Variants in RPRD1A observed in about 807,000 individuals in gnomAD.
RPRD1A encodes regulation of nuclear pre-mRNA domain containing 1A.
RPRD1A carries 9 observed loss-of-function variants against 37.8 expected under a neutral mutation model. That is an observed-to-expected ratio of 0.24 (90% CI 0.14 to 0.42). The LOEUF (loss-of-function observed/expected upper bound fraction) is 0.42. Ranked by LOEUF, RPRD1A falls within the 10% of genes least tolerant of loss-of-function variation. The probability of loss-of-function intolerance (pLI) is 1.00; values close to 1 mark genes in which losing one functional copy is unlikely to be tolerated. For synonymous variants in RPRD1A, 138 were observed against 139.7 expected (o/e 0.99, Z 0.08); for missense variants, 255 against 371.0 (o/e 0.69, Z 2.57).
intron 6 of RPRD1A, chr18:36,026,583 A>G (rs1472097664): frequency 4.7e-6 from 1 of 211,376 alleles, no homozygotes; most frequent in African/African-American, 2.3e-5. Flanking sequence ...AGTGACTGCC[A>G]CCTGCTATTT....
intron 6 of RPRD1A, among the ~76,000 whole-genome samples, chr18:36,020,554 G>C (rs963322627): frequency 6.6e-6 from 1 of 152,164 alleles, no homozygotes; most frequent in Non-Finnish European, 1.5e-5. Flanking sequence ...ATTATTAACG[G>C]ATCAATATGT....
At chr18:36,061,096 G>GC (rs764988871) in intron 1 of RPRD1A, among the ~76,000 whole-genome samples, 1 of 152,114 alleles carries the variant, frequency 6.6e-6, no homozygotes, top group Non-Finnish European at 1.5e-5. Context: ...GCAGGCCCAA[G>GC]CCCCCCTACC....
intron 6 of RPRD1A, 79 bp downstream of exon 6, chr18:36,026,821 C>T: frequency 7.3e-7 from 1 of 1,369,880 alleles, no homozygotes; most frequent in Non-Finnish European, 9.9e-7. Context: ...AAAATGTGCA[C>T]ATAGATTAAA....
At chr18:36,055,994 T>C (rs1913740613) in intron 1 of RPRD1A, among the ~76,000 whole-genome samples, 1 of 152,162 alleles carries the variant, frequency 6.6e-6, no homozygotes, top group African/African-American at 2.4e-5. Context: ...TCAAGGTCTC[T>C]TAAATCATCA....
At chr18:36,040,397 G>A (rs1199170324) in intron 1 of RPRD1A, among the ~76,000 whole-genome samples, 1 of 152,164 alleles carries the variant, frequency 6.6e-6, no homozygotes, top group Non-Finnish European at 1.5e-5. Context: ...TTGGCAGAAA[G>A]AAGCTCCCCT....
chr18:36,000,593 TTATG>T (rs1236551586), intron 6 of RPRD1A, among the ~76,000 whole-genome samples: 1 of 152,144 alleles, frequency 6.6e-6, no homozygotes, highest in Non-Finnish European at 1.5e-5. Flanking sequence ...CAAAGAAACT[TTATG>T]TATTCCAAGA....
chr18:36,033,012 A>C (rs2144301923), intron 2 of RPRD1A, among the ~76,000 whole-genome samples: 1 of 152,220 alleles, frequency 6.6e-6, no homozygotes, highest in East Asian at 1.9e-4. Flanking sequence ...GCAAGTAAAG[A>C]ATGGAAACAG....
chr18:36,063,179 T>A (rs2088950384), intron 1 of RPRD1A: 2 of 152,230 alleles, frequency 1.3e-5, no homozygotes, highest in South Asian at 4.1e-4. Flanking sequence ...TTCATTCTTA[T>A]ATTTTTTTGT....
intron 6 of RPRD1A, among the ~76,000 whole-genome samples, chr18:36,021,850 A>G (rs1357260374): frequency 6.6e-6 from 1 of 152,066 alleles, no homozygotes; most frequent in Non-Finnish European, 1.5e-5. Context: ...AAAATTTTAA[A>G]ATTAGCCAGG....
intron 1 of RPRD1A, among the ~76,000 whole-genome samples, chr18:36,034,643 T>C (rs1456980693): frequency 6.6e-6 from 1 of 152,192 alleles, no homozygotes; most frequent in Non-Finnish European, 1.5e-5. Context: ...TCACTCAATG[T>C]AGTACAGTTA....
At position 36,030,839 on chromosome 18, in the gene RPRD1A, G is replaced by C; in HGVS notation, c.455C>G (p.Ser152Cys). ...TGGTTCACTTGGAGATCCCAGAGAG[G>C]AACAGTTTTCATTTTCATCCACCTT... is the stretch of plus-strand genomic sequence containing the variant. The part of the protein sequence containing the change: ...QIKVDENENC[S>C]SLGSPSEPPQ... Residue 152 changes from serine (S) to cysteine (C), a missense_variant, in exon 4 of 7, where the codon TCC becomes TGC. Ser to Cys is a moderately radical substitution (Grantham distance 112). Around this residue, in one of 2 missense-constraint regions of RPRD1A, gnomAD observed 211 missense variants for 268.9 expected, o/e 0.78. Coordinates refer to ENST00000399022, the MANE Select transcript of RPRD1A (RefSeq NM_018170.5). 1 of 1,612,722 alleles carries C rather than the reference G, an allele frequency of 6.2e-7. No homozygotes were observed. Among genetic ancestry groups the C allele is most frequent in the Non-Finnish European group, 8.5e-7 (1 of 1,179,086 alleles).
At chr18:36,066,624 T>G (rs2089036427) in intron 1 of RPRD1A, among the ~76,000 whole-genome samples, 1 of 152,216 alleles carries the variant, frequency 6.6e-6, no homozygotes, top group African/African-American at 2.4e-5. Context: ...ACAAAGACAC[T>G]GCATTAGGGC....
chr18:36,047,241 C>A (rs1378622150), intron 1 of RPRD1A, among the ~76,000 whole-genome samples: 1 of 144,686 alleles, frequency 6.9e-6, no homozygotes, highest in Non-Finnish European at 1.5e-5. Context: ...ATAAATAAAG[C>A]AAGAGCCATC....
intron 6 of RPRD1A, among the ~76,000 whole-genome samples, chr18:36,010,312 A>C (rs1401987793): frequency 6.6e-6 from 1 of 151,902 alleles, no homozygotes; most frequent in Non-Finnish European, 1.5e-5. Context: ...CTATAAAAAA[A>C]ATAAAAAATA....
intron 6 of RPRD1A, among the ~76,000 whole-genome samples, chr18:36,005,309 T>A (rs893297458): frequency 4.6e-5 from 7 of 151,084 alleles, no homozygotes; most frequent in Admixed American, 1.3e-4. Context: ...TCAAAAAAAA[T>A]AAAATAAAAA....
intron 6 of RPRD1A, among the ~76,000 whole-genome samples, chr18:36,024,281 G>C (rs967807056): frequency 1.3e-5 from 2 of 150,804 alleles, no homozygotes; most frequent in African/African-American, 4.9e-5. Flanking sequence ...CAAGTAGCTG[G>C]GACTACAGGC....
chr18:35,993,559 G>A (rs1448604102), intron 6 of RPRD1A, among the ~76,000 whole-genome samples: 2 of 152,110 alleles, frequency 1.3e-5, no homozygotes, highest in African/African-American at 2.4e-5. Context: ...GCTTAACCTC[G>A]ACATATAAGA....
At chr18:36,049,102 A>G (rs904359575) in intron 1 of RPRD1A, among the ~76,000 whole-genome samples, 1 of 152,096 alleles carries the variant, frequency 6.6e-6, no homozygotes, top group Non-Finnish European at 1.5e-5. Context: ...GGGTTCCACC[A>G]TGTTGGCTAG....
At chr18:36,004,000 CTTTTT>C (rs34397005) in intron 6 of RPRD1A, among the ~76,000 whole-genome samples, 67 of 85,190 alleles carry the variant, frequency 7.9e-4, no homozygotes, top group African/African-American at 3.2e-3. Flanking sequence ...CAGACACAGA[CTTTTT>C]TTTTTTTTTT....
Sources: allele counts gnomAD v4.1 joint callset (sites outside exome capture counted in the v4.1 genomes callset), GRCh38; gene constraint gnomAD v4.1.1; regional missense constraint gnomAD v4.1.1; transcripts MANE v1.5; gene names NCBI Gene and HGNC (gene_info 2026-07-23, HGNC 2026-07-21).